The following TFAM variants were observed in gnomAD, a reference collection of about 807,000 sequenced individuals.
The protein encoded by TFAM is transcription factor A, mitochondrial.
In TFAM, 13 loss-of-function variants were observed where a neutral mutation model predicts 30.6. The observed-to-expected ratio is 0.42, with a 90% CI of 0.28 to 0.67. The LOEUF is 0.67. TFAM is among the 30% of genes least tolerant of loss of function. TFAM has a pLI of 0.21. For missense variants in TFAM, 231 were observed against 293.7 expected (o/e 0.79, Z 1.56); for synonymous variants, 106 against 94.8 (o/e 1.12, Z -0.69).
At position 58,395,173 on chromosome 10, in the gene TFAM, G is replaced by T; in HGVS notation, c.*99G>T. The T allele has an allele frequency of 8.0e-7, 1 of 1,247,588 alleles. No individual in the cohort carries two copies. The highest frequency in any genetic ancestry group is 1.3e-5 in the South Asian group (1 of 78,098). The allele number at this position is 1,247,588 out of a possible 1,614,324, so 77.3% of individuals were successfully genotyped here. On this transcript the variant is annotated 3_prime_UTR_variant, in exon 7 of 7. Coordinates refer to ENST00000487519, the MANE Select transcript of TFAM (RefSeq NM_003201.3). The stretch of plus-strand genomic sequence containing the variant: ...GTAAAATTAAGAAAGGATAAAGTTG[G>T]TAAACCTTTTATATTTAGTATCTTT...
intron 5 of TFAM, 83 bp downstream of exon 5, chr10:58,390,943 A>G (rs1840580633): frequency 8.2e-7 from 1 of 1,212,678 alleles, no homozygotes; most frequent in Non-Finnish European, 1.2e-6. Context: ...GGTAGTGAAG[A>G]AAAGTAGTGA....
chr10:58,396,057 TG>T lies in TFAM; in HGVS notation c.*984del, dbSNP rs1213088098. 2 of 157,066 alleles carry T rather than the reference TG, an allele frequency of 1.3e-5. No homozygotes were observed. The highest frequency in any genetic ancestry group is 4.8e-5 in the African/African-American group (2 of 41,718). 9.7% of individuals were successfully genotyped at this position (157,066 alleles called of 1,614,324 possible). The stretch of plus-strand genomic sequence containing the variant: ...TAGGAATTGTGTTTATAATTTTAAA[TG>T]TTTTTTTTTAAAGACTTTTATGATA... On this transcript the variant is annotated 3_prime_UTR_variant, in exon 7 of 7. Transcript: ENST00000487519.
chr10:58,388,310 A>G, intron 3 of TFAM, 50 bp downstream of exon 3: 1 of 1,477,914 alleles, frequency 6.8e-7, no homozygotes, highest in South Asian at 1.1e-5. Context: ...TGCAGTTAGG[A>G]GCAATTGTCA....
At position 58,394,447 on chromosome 10, in the gene TFAM, A is replaced by G. The variant is rs201041216; in HGVS notation, c.594+33A>G. On this transcript the variant is annotated intron_variant, in intron 6 of 6. Transcript: ENST00000487519. The stretch of plus-strand genomic sequence containing the variant: ...TTACGGTTGTTAGTCTCAAGTGTCT[A>G]CTTAGGATATCTGTGAGAGAATGTA... 4.2e-4 allele frequency: 666 copies of G among 1,569,540 alleles called. 1 individual carries two copies. The African/African-American group carries it at 7.9e-3, about 19-fold the overall frequency.
At chr10:58,390,881 T>G (rs1185455603) in intron 5 of TFAM, 21 bp downstream of exon 5, 4 of 1,599,802 alleles carry the variant, frequency 2.5e-6, no homozygotes, top group Non-Finnish European at 3.4e-6. Context: ...AATATATTTT[T>G]GTTTAATTTT....
At chr10:58,386,553 G>A (rs1459841884) in intron 2 of TFAM, 2 of 777,092 alleles carry the variant, frequency 2.6e-6, no homozygotes, top group Non-Finnish European at 3.8e-6. Flanking sequence ...AACGTATAGT[G>A]TAGAAAGCAC....
At chr10:58,388,311 G>A (rs770430171) in intron 3 of TFAM, 51 bp downstream of exon 3, 1 of 1,477,546 alleles carries the variant, frequency 6.8e-7, no homozygotes, top group African/African-American at 1.4e-5. Context: ...GCAGTTAGGA[G>A]CAATTGTCAT....
At chr10:58,390,408 C>T (rs1840569455) in intron 4 of TFAM, among the ~76,000 whole-genome samples, 1 of 152,112 alleles carries the variant, frequency 6.6e-6, no homozygotes, top group Non-Finnish European at 1.5e-5. Flanking sequence ...TGGAAGCATG[C>T]AGTGATTTGG....
intron 5 of TFAM, among the ~76,000 whole-genome samples, chr10:58,391,673 G>A (rs1236208791): frequency 1.3e-5 from 2 of 151,584 alleles, no homozygotes; most frequent in African/African-American, 2.4e-5. Context: ...GTCATGTTTC[G>A]ATTCCCCTAC....
At chr10:58,392,387 G>T (rs1335553524) in intron 5 of TFAM, among the ~76,000 whole-genome samples, 2 of 151,966 alleles carry the variant, frequency 1.3e-5, no homozygotes, top group African/African-American at 2.4e-5. Flanking sequence ...ATGTGATCTG[G>T]TGCTTTTTTT....
chr10:58,395,225 C>CA lies in TFAM; in HGVS notation c.*152dup, dbSNP rs764325213. 14 of 800,632 alleles carry CA rather than the reference C, an allele frequency of 1.7e-5. No homozygotes were observed. The highest frequency in any genetic ancestry group is 2.8e-5 in the Non-Finnish European group (14 of 499,056). 49.6% of individuals were successfully genotyped at this position (800,632 alleles called of 1,614,324 possible). On this transcript the variant is annotated 3_prime_UTR_variant, in exon 7 of 7. Transcript: ENST00000487519. ...TATTCAGCTCATGGACTTCTGCCAG[C>CA]ATAATACTTGCTTTGGAAAACCCAG...
intron 5 of TFAM, among the ~76,000 whole-genome samples, chr10:58,392,598 C>T (rs1840617266): frequency 6.6e-6 from 1 of 152,014 alleles, no homozygotes; most frequent in South Asian, 2.1e-4. Context: ...TCAACTGTAC[C>T]TGTACCTGGT....
chr10:58,387,194 T>C (rs950844507), intron 2 of TFAM, among the ~76,000 whole-genome samples: 1 of 152,056 alleles, frequency 6.6e-6, no homozygotes, highest in Non-Finnish European at 1.5e-5. Flanking sequence ...TCCCAGGAAG[T>C]TGAGGCTGCA....
chr10:58,390,835 A>C lies in TFAM; in HGVS notation c.512A>C (p.Gln171Pro). 1 of 1,613,296 alleles carries C rather than the reference A, an allele frequency of 6.2e-7. No homozygotes were observed. The highest frequency in any genetic ancestry group is 8.5e-7 in the Non-Finnish European group (1 of 1,179,734). Residue 171 changes from glutamine (Q) to proline (P), a missense_variant, in exon 5 of 7, where the codon CAA becomes CCA. Gln to Pro is a moderately conservative substitution (Grantham distance 76). Transcript: ENST00000487519. The stretch of plus-strand genomic sequence containing the variant: ...AACGTTTATGTAGCTGAAAGATTCC[A>C]AGAAGCTAAGGGTGATTCACCGCAG... ...AYNVYVAERF[Q>P]EAKGDSPQEK...
At chr10:58,394,654 GC>G in intron 6 of TFAM, 1 of 655,870 alleles carries the variant, frequency 1.5e-6, no homozygotes, top group Admixed American at 2.3e-5. Context: ...TTATTCAGTG[GC>G]AGTGATACCC....
Position 58,385,656 on chromosome 10 carries a change from C to CG in TFAM, c.101+9dup. The CG allele has an allele frequency of 6.4e-7, 1 of 1,550,694 alleles. No individual in the cohort carries two copies. The highest frequency in any genetic ancestry group is 8.7e-7 in the Non-Finnish European group (1 of 1,145,978). On this transcript the variant is annotated intron_variant, in intron 1 of 6. Coordinates refer to ENST00000487519, the MANE Select transcript of TFAM (RefSeq NM_003201.3). ...ACTGCGCTCCCCCTTCAGGTAGGCCCGCTTGCCTGTGCCCTAGGGGCAGCA... is the reference window on the plus strand; with the variant it reads ...ACTGCGCTCCCCCTTCAGGTAGGCCCGGCTTGCCTGTGCCCTAGGGGCAGCA...
chr10:58,393,113 G>T (rs1840625764), intron 5 of TFAM, among the ~76,000 whole-genome samples: 1 of 151,560 alleles, frequency 6.6e-6, no homozygotes, highest in African/African-American at 2.4e-5. Context: ...CCTAGTAGCT[G>T]GGACCACAGG....
chr10:58,386,435 T>C, intron 2 of TFAM, 97 bp downstream of exon 2: 1 of 910,978 alleles, frequency 1.1e-6, no homozygotes, highest in South Asian at 1.3e-5. Context: ...AAGCATTCAG[T>C]GACTGCAGGA....
Position 58,398,958 on chromosome 10 carries a change from G to C in TFAM, c.*3884G>C, listed in dbSNP as rs753001536. The C allele has an allele frequency of 6.6e-6, 1 of 152,062 alleles. No individual in the cohort carries two copies. The highest frequency in any genetic ancestry group is 6.6e-5 in the Admixed American group (1 of 15,252). 9.4% of individuals were successfully genotyped at this position (152,062 alleles called of 1,614,324 possible). A position where few individuals can be genotyped will look rare whatever the true frequency, so the allele number is the denominator to read the frequency against. On this transcript the variant is annotated 3_prime_UTR_variant, in exon 7 of 7. Transcript: ENST00000487519. ...TTAAAATTGAACTTCTGCAGAGTAA[G>C]AAAATGAATACATTTATTACTTTAA...
Sources: gnomAD v4.1 joint callset for allele counts (sites outside exome capture counted in the v4.1 genomes callset) on GRCh38, gnomAD v4.1.1 for gene constraint, MANE v1.5 for transcripts, NCBI Gene and HGNC (gene_info 2026-07-23, HGNC 2026-07-21) for gene names.